Variants in USP48 observed in about 807,000 individuals in gnomAD.
USP48 encodes the protein ubiquitin specific peptidase 48.
In USP48, 43 loss-of-function variants were observed where a neutral mutation model predicts 150.7. The ratio of observed to expected loss-of-function variants is 0.29; its 90% CI spans 0.22 to 0.37. The LOEUF (loss-of-function observed/expected upper bound fraction) is 0.37. Ranked by LOEUF, USP48 falls within the 10% of genes least tolerant of loss-of-function variation. The pLI is 1.00. For missense variants in USP48, 813 were observed against 1,249.6 expected (o/e 0.65, Z 5.27); for synonymous variants, 396 against 425.9 (o/e 0.93, Z 0.86).
At chr1:21,774,698 C>T (rs1038279476) in intron 1 of USP48, among the ~76,000 whole-genome samples, 2 of 150,820 alleles carry the variant, frequency 1.3e-5, no homozygotes, top group Non-Finnish European at 3.0e-5. Flanking sequence ...AACAAACAAA[C>T]GAAAAAAGAA....
At chr1:21,751,994 G>A (rs2097816174) in intron 5 of USP48, among the ~76,000 whole-genome samples, 1 of 140,372 alleles carries the variant, frequency 7.1e-6, no homozygotes, top group Non-Finnish European at 1.5e-5. Context: ...CTCATCCTGG[G>A]CAACAGAGCA....
intron 17 of USP48, 118 bp downstream of exon 17, chr1:21,706,349 A>G: frequency 6.6e-7 from 1 of 1,525,816 alleles, no homozygotes; most frequent in Non-Finnish European, 8.9e-7. Context: ...CCCTGGTTAG[A>G]TAACTAAACA....
At chr1:21,734,859 A>T (rs1158304408) in intron 9 of USP48, among the ~76,000 whole-genome samples, 1 of 152,224 alleles carries the variant, frequency 6.6e-6, no homozygotes, top group Non-Finnish European at 1.5e-5. Flanking sequence ...TCCAACTAGA[A>T]AAACTGTCCA....
chr1:21,711,906 G>A lies in USP48; in HGVS notation c.1963+3483C>T, dbSNP rs185407430. Among the ~76,000 whole-genome samples the A allele has an allele frequency of 4.1e-4, 62 of 152,252 alleles. 1 individual carries two copies. Among genetic ancestry groups the A allele is most frequent in the Admixed American group, 3.5e-3 (54 of 15,292 alleles). On this transcript the variant is annotated intron_variant, in intron 15 of 26. Transcript: ENST00000308271. ...CCACAAAAGTCTCTTAAATTTTCACGGAAAAAATATTTCCAACAGACAACT... is the reference window on the plus strand; with the variant it reads ...CCACAAAAGTCTCTTAAATTTTCACAGAAAAAATATTTCCAACAGACAACT...
intron 5 of USP48, 25 bp from the exon 6 acceptor site, chr1:21,751,640 TTCAGA>T: frequency 6.4e-7 from 1 of 1,574,450 alleles, no homozygotes; most frequent in Non-Finnish European, 8.7e-7. Flanking sequence ...AACGACAAAA[TTCAGA>T]TCAGAGTGTG....
At chr1:21,755,226 A>C (rs2097828812) in intron 3 of USP48, among the ~76,000 whole-genome samples, 1 of 152,180 alleles carries the variant, frequency 6.6e-6, no homozygotes, top group African/African-American at 2.4e-5. Context: ...AATAAAGATA[A>C]AATATTACTC....
intron 8 of USP48, among the ~76,000 whole-genome samples, chr1:21,740,326 T>TATAAA (rs1463063801): frequency 2.0e-5 from 3 of 152,258 alleles, no homozygotes; most frequent in African/African-American, 7.2e-5. Context: ...TAGTATTCCA[T>TATAAA]TGTGTATATA....
chr1:21,781,261 A>G (rs1046680386), intron 1 of USP48, among the ~76,000 whole-genome samples: 2 of 150,880 alleles, frequency 1.3e-5, no homozygotes, highest in African/African-American at 4.9e-5. Flanking sequence ...TCTACTAAAA[A>G]TACAAAAAAT....
chr1:21,721,222 C>A (rs2097720010), intron 13 of USP48, 56 bp from the exon 14 acceptor site: 2 of 1,588,046 alleles, frequency 1.3e-6, no homozygotes, highest in Non-Finnish European at 1.7e-6. Context: ...ACACTGTCCT[C>A]CCTTCTTTGC....
chr1:21,775,402 C>T (rs1394311037), intron 1 of USP48, among the ~76,000 whole-genome samples: 1 of 152,166 alleles, frequency 6.6e-6, no homozygotes, highest in Non-Finnish European at 1.5e-5. Flanking sequence ...GCTGGAATTA[C>T]AGGTGTATGC....
At chr1:21,679,520 C>A in intron 26 of USP48, 81 bp from the exon 27 acceptor site, 1 of 1,536,906 alleles carries the variant, frequency 6.5e-7, no homozygotes, top group Non-Finnish European at 9.0e-7. Context: ...AAGAACACAT[C>A]ATCAACAGGG....
At chr1:21,699,081 G>A (rs1056583099) in intron 22 of USP48, among the ~76,000 whole-genome samples, 24 of 151,920 alleles carry the variant, frequency 1.6e-4, no homozygotes, top group Admixed American at 2.0e-4. Context: ...CCAAGCTGGA[G>A]TGCAGTGGCA....
In USP48 at chr1:21,756,688, G is replaced by T. The variant is rs758663809; in HGVS notation, c.270C>A (p.Gly90=). ...AACAAGTGGCTCCAAGGTTAGTCAG[G>T]CCCACAAATGAGTTCTACAAAAATA... ...CERRKKNSFV[G]LTNLGATCYV... The change falls in exon 3 of 27, where the codon GGC becomes GGA. Residue 90 remains glycine, a synonymous_variant. Coordinates refer to ENST00000308271, the MANE Select transcript of USP48 (RefSeq NM_032236.8). The T allele has an allele frequency of 1.2e-6, 2 of 1,613,022 alleles. No individual in the cohort carries two copies. The highest frequency in any genetic ancestry group is 1.3e-5 in the African/African-American group (1 of 74,768).
chr1:21,775,072 AC>A (rs988636525), intron 1 of USP48, among the ~76,000 whole-genome samples: 2 of 152,090 alleles, frequency 1.3e-5, no homozygotes, highest in African/African-American at 4.8e-5. Context: ...ACAAGTTGCA[AC>A]AAAGTATGTA....
intron 25 of USP48, among the ~76,000 whole-genome samples, chr1:21,685,030 G>A (rs1329475754): frequency 6.6e-6 from 1 of 152,058 alleles, no homozygotes; most frequent in East Asian, 1.9e-4. Context: ...GGTCTTTTGT[G>A]GTTCCATATG....
chr1:21,701,375 AAAAAAAG>A, intron 22 of USP48, 116 bp downstream of exon 22: 1 of 708,584 alleles, frequency 1.4e-6, no homozygotes, highest in African/African-American at 1.8e-5. Flanking sequence ...CAAAAAAAAA[AAAAAAAG>A]AAAAAAAAAG....
chr1:21,702,566 G>T (rs2097660282), intron 21 of USP48, among the ~76,000 whole-genome samples: 1 of 151,294 alleles, frequency 6.6e-6, no homozygotes, highest in Non-Finnish European at 1.5e-5. Flanking sequence ...TATAGCCAGG[G>T]TGATTTTTTT....
chr1:21,732,969 T>C (rs984018289), intron 9 of USP48: 3 of 158,446 alleles, frequency 1.9e-5, no homozygotes, highest in Non-Finnish European at 4.2e-5. Context: ...TGTTCAACTT[T>C]TTTTGTTTTC....
At chr1:21,699,562 G>A (rs932117500) in intron 22 of USP48, among the ~76,000 whole-genome samples, 7 of 151,218 alleles carry the variant, frequency 4.6e-5, no homozygotes, top group Non-Finnish European at 8.8e-5. Flanking sequence ...CACCCAGGCT[G>A]GAGTGCAGTG....
Sources: allele counts gnomAD v4.1 joint callset (sites outside exome capture counted in the v4.1 genomes callset), GRCh38; gene constraint gnomAD v4.1.1; transcripts MANE v1.5; gene names NCBI Gene and HGNC (gene_info 2026-07-23, HGNC 2026-07-21).